Variants in CSMD1 observed in about 807,000 individuals in gnomAD.
The protein encoded by CSMD1 is CUB and sushi domain-containing protein 1.
In CSMD1, 213 loss-of-function variants were observed where a neutral mutation model predicts 417.5. The observed-to-expected ratio is 0.51, with a 90% CI of 0.46 to 0.57. The LOEUF is 0.57. Ranked by LOEUF, CSMD1 falls within the 20% of genes least tolerant of loss-of-function variation. The probability of loss-of-function intolerance (pLI) is 0.00; values close to 1 mark genes in which losing one functional copy is unlikely to be tolerated. For missense variants in CSMD1, 6,923 were observed against 4,529.7 expected, an observed-to-expected ratio of 1.53 and a Z score of -15.17; for synonymous variants, 2,862 against 1,736.8, an observed-to-expected ratio of 1.65 and a Z score of -16.11.
chr8:3,469,708 C>A (rs1483271291), intron 11 of CSMD1, among the ~76,000 whole-genome samples: 3 of 152,192 alleles, frequency 2.0e-5, no homozygotes, highest in Admixed American at 6.5e-5. Flanking sequence ...CCCCATCAAT[C>A]ATATCATCTG....
At chr8:3,837,937 T>C (rs1437635169) in intron 5 of CSMD1, among the ~76,000 whole-genome samples, 1 of 152,150 alleles carries the variant, frequency 6.6e-6, no homozygotes, top group African/African-American at 2.4e-5. Context: ...TTCAAATAAA[T>C]GTCCTTTAAT....
intron 3 of CSMD1, among the ~76,000 whole-genome samples, chr8:4,397,792 A>T: frequency 6.6e-6 from 1 of 152,252 alleles, no homozygotes; most frequent in Middle Eastern, 3.4e-3. Context: ...CATGTATCTC[A>T]ATATTACATG....
intron 4 of CSMD1, among the ~76,000 whole-genome samples, chr8:4,006,665 T>C (rs1000480366): frequency 6.6e-6 from 1 of 152,226 alleles, no homozygotes. Flanking sequence ...TTTATGTCCT[T>C]TTCCTTTTAA....
intron 2 of CSMD1, among the ~76,000 whole-genome samples, chr8:4,572,188 G>T (rs886388288): frequency 6.6e-6 from 1 of 152,332 alleles, no homozygotes; most frequent in East Asian, 1.9e-4. Flanking sequence ...TTGCACAATA[G>T]TTGATGCAGT....
At chr8:4,457,951 G>A (rs1029529514) in intron 2 of CSMD1, among the ~76,000 whole-genome samples, 1 of 152,134 alleles carries the variant, frequency 6.6e-6, no homozygotes, top group East Asian at 1.9e-4. Flanking sequence ...AACCCAGGCA[G>A]AAAAACCCAG....
At chr8:3,639,963 A>G (rs1490626730) in intron 7 of CSMD1, among the ~76,000 whole-genome samples, 4 of 152,218 alleles carry the variant, frequency 2.6e-5, no homozygotes, top group African/African-American at 9.6e-5. Context: ...CTTGTTCACT[A>G]TTTTATGGCT....
intron 10 of CSMD1, among the ~76,000 whole-genome samples, chr8:3,520,044 G>GTATATATATATATATATATATATATATA (rs1563116164): frequency 7.3e-6 from 1 of 137,356 alleles, no homozygotes; most frequent in African/African-American, 3.2e-5. Flanking sequence ...ATATATACAC[G>GTATATATATATATATATATATATATATA]TATAGTTGTG....
intron 4 of CSMD1, among the ~76,000 whole-genome samples, chr8:4,021,404 G>A (rs1014020306): frequency 2.0e-5 from 3 of 152,176 alleles, no homozygotes; most frequent in Non-Finnish European, 4.4e-5. Context: ...TCACATTATG[G>A]ATTGTGTTAT....
chr8:3,578,479 A>T (rs1393848520), intron 9 of CSMD1, among the ~76,000 whole-genome samples: 5 of 152,196 alleles, frequency 3.3e-5, no homozygotes, highest in East Asian at 1.9e-4. Context: ...AAGGAAGCGG[A>T]TGGCTGCCAT....
chr8:3,135,965 G>A (rs1348275416), intron 41 of CSMD1, among the ~76,000 whole-genome samples: 4 of 152,080 alleles, frequency 2.6e-5, no homozygotes, highest in African/African-American at 9.7e-5. Flanking sequence ...TGTCACTGAG[G>A]CCCAGGCTCC....
rs1298104591 is a variant in CSMD1 at position 4,528,671 on chromosome 8, C to T, written c.303-108606G>A. Among the ~76,000 whole-genome samples, 3 of 152,116 alleles carry T rather than the reference C, an allele frequency of 2.0e-5. 1 individual carries two copies. The highest frequency in any genetic ancestry group is 1.5e-5 in the Non-Finnish European group (1 of 68,026). ...ATTGCAGCAATGGTTTCATGGTGTA[C>T]ACCCCACAAACTCTCCAATGTATAT... On this transcript the variant is annotated intron_variant, in intron 2 of 69. Transcript: ENST00000635120.
chr8:4,915,230 A>T (rs59762232), intron 1 of CSMD1, among the ~76,000 whole-genome samples: 10,702 of 152,090 alleles, frequency 0.07, 1,253 homozygotes, highest in African/African-American at 0.24. Flanking sequence ...CATATATATA[A>T]AATATGTATA....
intron 1 of CSMD1, among the ~76,000 whole-genome samples, chr8:4,885,831 TTTG>T (rs1315190677): frequency 2.0e-5 from 3 of 152,192 alleles, no homozygotes; most frequent in Admixed American, 2.0e-4. Context: ...ATATGTATTA[TTTG>T]TTGCTTGTGT....
rs190028231 is a variant in CSMD1, at chr8:4,795,710, C to T, written c.86-158152G>A. On this transcript the variant is annotated intron_variant, in intron 1 of 69. Coordinates refer to ENST00000635120, the MANE Select transcript of CSMD1 (RefSeq NM_033225.6). ...GTGAACTGGGATCCGCAGATCCAGG[C>T]GGAGAGGCATCCTGACAGGTCCTCC... Among the ~76,000 whole-genome samples, 646 of 152,192 alleles carry T rather than the reference C, an allele frequency of 4.2e-3. 2 individuals are homozygous for T. Among genetic ancestry groups the T allele is most frequent in the Admixed American group, 9.7e-3 (149 of 15,292 alleles).
intron 1 of CSMD1, among the ~76,000 whole-genome samples, chr8:4,956,922 C>G (rs1237022883): frequency 6.6e-6 from 1 of 152,150 alleles, no homozygotes; most frequent in Non-Finnish European, 1.5e-5. Context: ...TGTCCACATT[C>G]AATTGCACTG....
intron 3 of CSMD1, among the ~76,000 whole-genome samples, chr8:4,341,338 A>G (rs972438892): frequency 1.3e-5 from 2 of 152,154 alleles, no homozygotes; most frequent in African/African-American, 4.8e-5. Flanking sequence ...AAAGTTTTTC[A>G]CATTGAATTC....
At chr8:4,333,937 A>C (rs1042086066) in intron 3 of CSMD1, among the ~76,000 whole-genome samples, 2 of 151,976 alleles carry the variant, frequency 1.3e-5, no homozygotes, top group East Asian at 3.9e-4. Flanking sequence ...TGTCATCCAG[A>C]CTGGAGGGCA....
intron 25 of CSMD1, among the ~76,000 whole-genome samples, chr8:3,304,809 TTAGAGAAAGACAA>T (rs1484570477): frequency 6.6e-6 from 1 of 152,084 alleles, no homozygotes; most frequent in African/African-American, 2.4e-5. Context: ...TGGTTTGCAT[TTAGAGAAAGACAA>T]TGCTCACTCT....
At chr8:4,036,933 G>A (rs548110889) in intron 3 of CSMD1, among the ~76,000 whole-genome samples, 1 of 151,288 alleles carries the variant, frequency 6.6e-6, no homozygotes, top group South Asian at 2.1e-4. Context: ...ATGTGCCCTG[G>A]ATCCTAGTAT....
Sources: gnomAD v4.1 joint callset for allele counts (sites outside exome capture counted in the v4.1 genomes callset) on GRCh38, gnomAD v4.1.1 for gene constraint, MANE v1.5 for transcripts, NCBI Gene and HGNC (gene_info 2026-07-23, HGNC 2026-07-21) for gene names.